RABGAP1L: variants seen among roughly 807,000 people sequenced by gnomAD.
The protein encoded by RABGAP1L is rab GTPase-activating protein 1-like.
In RABGAP1L, 63 loss-of-function variants were observed where a neutral mutation model predicts 137.7. The observed-to-expected ratio is 0.46, with a 90% CI of 0.37 to 0.56. The LOEUF is 0.56. Among genes scored for constraint, RABGAP1L ranks in the 20% least tolerant of loss-of-function variants. The probability of loss-of-function intolerance (pLI) is 0.00; values close to 1 mark genes in which losing one functional copy is unlikely to be tolerated. For synonymous variants in RABGAP1L, 431 were observed against 433.7 expected (o/e 0.99, Z 0.08); for missense variants, 1,095 against 1,244.0 (o/e 0.88, Z 1.80).
At chr1:174,422,932 G>A (rs1390532317) in intron 13 of RABGAP1L, among the ~76,000 whole-genome samples, 1 of 129,044 alleles carries the variant, frequency 7.7e-6, no homozygotes, top group Non-Finnish European at 1.6e-5. Context: ...GGGTGATAGA[G>A]TGAGATTCTG....
intron 19 of RABGAP1L, among the ~76,000 whole-genome samples, chr1:174,888,120 T>G (rs909840525): frequency 2.0e-5 from 3 of 152,050 alleles, no homozygotes; most frequent in Non-Finnish European, 4.4e-5. Context: ...TTAAACACAT[T>G]AAATAGCAAG....
chr1:174,685,852 T>C (rs1047982574), intron 15 of RABGAP1L, among the ~76,000 whole-genome samples: 3 of 152,340 alleles, frequency 2.0e-5, no homozygotes. Flanking sequence ...GGAGCCGCTG[T>C]GCCCGTCTGA....
intron 14 of RABGAP1L, among the ~76,000 whole-genome samples, chr1:174,657,756 G>A (rs911280022): frequency 2.6e-5 from 4 of 152,140 alleles, no homozygotes; most frequent in African/African-American, 4.8e-5. Flanking sequence ...TAAATTCCCA[G>A]TAGTGGGATT....
At chr1:174,263,027 C>T (rs1673731934) in intron 7 of RABGAP1L, among the ~76,000 whole-genome samples, 1 of 152,234 alleles carries the variant, frequency 6.6e-6, no homozygotes, top group Non-Finnish European at 1.5e-5. Context: ...CACTCACATG[C>T]AGTCCCTCCG....
chr1:174,402,465 G>C (rs1409805959), intron 13 of RABGAP1L, among the ~76,000 whole-genome samples: 1 of 152,054 alleles, frequency 6.6e-6, no homozygotes, highest in African/African-American at 2.4e-5. Context: ...ATAAACCTTA[G>C]AAGTCAGTGA....
intron 13 of RABGAP1L, among the ~76,000 whole-genome samples, chr1:174,631,406 G>A (rs1285959675): frequency 8.6e-6 from 1 of 115,862 alleles, no homozygotes; most frequent in Non-Finnish European, 1.6e-5. Flanking sequence ...ATGTCTATTA[G>A]GTCTGCTTGG....
At chr1:174,427,871 C>T (rs1171286170) in intron 13 of RABGAP1L, among the ~76,000 whole-genome samples, 2 of 152,166 alleles carry the variant, frequency 1.3e-5, no homozygotes, top group Non-Finnish European at 1.5e-5. Context: ...CTGAGGATAA[C>T]AGCAATGAAA....
intron 13 of RABGAP1L, among the ~76,000 whole-genome samples, chr1:174,492,558 C>T (rs1195357880): frequency 6.6e-6 from 1 of 152,040 alleles, no homozygotes; most frequent in African/African-American, 2.4e-5. Context: ...CTGTGTTAGC[C>T]AGGCTGGTCT....
At chr1:174,194,117 G>A (rs1029739063) in intron 1 of RABGAP1L, among the ~76,000 whole-genome samples, 2 of 152,044 alleles carry the variant, frequency 1.3e-5, no homozygotes, top group South Asian at 4.1e-4. Flanking sequence ...CTTGGCTTTG[G>A]TACCTCTTTA....
At chr1:174,798,196 A>G (rs1310718969) in intron 18 of RABGAP1L, among the ~76,000 whole-genome samples, 3 of 150,300 alleles carry the variant, frequency 2.0e-5, no homozygotes, top group Non-Finnish European at 4.4e-5. Flanking sequence ...GGAGATCGAG[A>G]CCATCCTGGC....
intron 13 of RABGAP1L, among the ~76,000 whole-genome samples, chr1:174,534,802 A>AAAAAAG (rs1553324953): frequency 7.3e-6 from 1 of 137,266 alleles, no homozygotes; most frequent in African/African-American, 2.8e-5. Flanking sequence ...AAAAAAAAAA[A>AAAAAAG]AATAATTAGA....
intron 20 of RABGAP1L, 110 bp from the exon 21 acceptor site, chr1:174,969,167 C>T: frequency 1.2e-6 from 1 of 818,584 alleles, no homozygotes; most frequent in Non-Finnish European, 2.0e-6. Flanking sequence ...GCGCCTTCTC[C>T]TTTTTACACC....
chr1:174,622,216 G>C (rs1044111267), intron 13 of RABGAP1L, among the ~76,000 whole-genome samples: 1 of 152,222 alleles, frequency 6.6e-6, no homozygotes, highest in Non-Finnish European at 1.5e-5. Context: ...AGGTGCTGGA[G>C]AGGATGTGGA....
chr1:174,787,908 G>C (rs538067549), intron 18 of RABGAP1L, among the ~76,000 whole-genome samples: 162 of 152,250 alleles, frequency 1.1e-3, no homozygotes, highest in Non-Finnish European at 1.9e-3. Flanking sequence ...GGTACAGTTG[G>C]ATATGTGAGA....
intron 1 of RABGAP1L, among the ~76,000 whole-genome samples, chr1:174,198,568 G>A (rs571413784): frequency 6.6e-6 from 1 of 152,288 alleles, no homozygotes; most frequent in African/African-American, 2.4e-5. Flanking sequence ...ATGAAAATAA[G>A]TCTTTCCAAA....
At chr1:174,539,900 G>A (rs1393335766) in intron 13 of RABGAP1L, among the ~76,000 whole-genome samples, 2 of 152,122 alleles carry the variant, frequency 1.3e-5, no homozygotes, top group Non-Finnish European at 2.9e-5. Flanking sequence ...CTAGTTTATA[G>A]TCCCACCAAC....
chr1:174,854,042 T>A (rs746203692), intron 19 of RABGAP1L, among the ~76,000 whole-genome samples: 1 of 152,184 alleles, frequency 6.6e-6, no homozygotes, highest in Non-Finnish European at 1.5e-5. Flanking sequence ...TTGGTGGGAA[T>A]GAGACTTTGA....
chr1:174,877,461 A>G, intron 19 of RABGAP1L: 2 of 1,613,358 alleles, frequency 1.2e-6, no homozygotes, highest in Non-Finnish European at 8.5e-7. Context: ...GAGCTGGGAC[A>G]GCAGCTGCTG....
At chr1:174,322,704 C>T (rs1680104481) in intron 11 of RABGAP1L, among the ~76,000 whole-genome samples, 1 of 152,094 alleles carries the variant, frequency 6.6e-6, no homozygotes. Context: ...TGTGATTCTA[C>T]TGTATTCTAT....
Sources: gnomAD v4.1 joint callset for allele counts (sites outside exome capture counted in the v4.1 genomes callset) on GRCh38, gnomAD v4.1.1 for gene constraint, MANE v1.5 for transcripts, NCBI Gene and HGNC (gene_info 2026-07-23, HGNC 2026-07-21) for gene names.